The following CD200 variants were observed in gnomAD, a reference collection of about 807,000 sequenced individuals.
CD200 encodes CD200 molecule.
CD200 carries 15 observed loss-of-function variants against 30.9 expected under a neutral mutation model. The ratio of observed to expected loss-of-function variants is 0.49; its 90% CI spans 0.32 to 0.75. The LOEUF (loss-of-function observed/expected upper bound fraction) is 0.75, where lower values mean the gene tolerates loss of function less well. Among genes scored for constraint, CD200 ranks in the 30% least tolerant of loss-of-function variants. The pLI is 0.03. For missense variants in CD200, 262 were observed against 324.2 expected, an observed-to-expected ratio of 0.81 and a Z score of 1.47; for synonymous variants, 134 against 126.2, an observed-to-expected ratio of 1.06 and a Z score of -0.41.
chr3:112,333,614 C>G (rs1314520857), intron 1 of CD200: 7 of 985,402 alleles, frequency 7.1e-6, no homozygotes, highest in Non-Finnish European at 8.4e-6. Context: ...TTAAACTGCC[C>G]CCAAAAGGGA....
intron 1 of CD200, chr3:112,335,885 A>G: frequency 7.9e-7 from 1 of 1,269,738 alleles, no homozygotes; most frequent in Non-Finnish European, 1.2e-6. Flanking sequence ...GTTGGCCCCA[A>G]GAGAGCTGAG....
At chr3:112,346,772 C>A (rs2081405164) in intron 3 of CD200, among the ~76,000 whole-genome samples, 1 of 152,196 alleles carries the variant, frequency 6.6e-6, no homozygotes, top group Admixed American at 6.5e-5. Flanking sequence ...GACAAGTTTA[C>A]ATCTGCTTAG....
intron 1 of CD200, 170 bp downstream of exon 1, chr3:112,333,394 T>C (rs2081041354): frequency 1.0e-6 from 1 of 985,308 alleles, no homozygotes; most frequent in African/African-American, 1.7e-5. Flanking sequence ...GCGCTTTCTC[T>C]TGCTGAGAAA....
At chr3:112,348,313 G>T (rs2081449845) in intron 4 of CD200, among the ~76,000 whole-genome samples, 1 of 152,220 alleles carries the variant, frequency 6.6e-6, no homozygotes, top group East Asian at 1.9e-4. Flanking sequence ...AGATTTGGAA[G>T]GTTTCCTGGA....
Position 112,333,397 on chromosome 3 carries a change from C to A in CD200, c.12+173C>A, listed in dbSNP as rs1267547092. The A allele has an allele frequency of 3.0e-6, 3 of 985,304 alleles. No homozygotes were observed. The African/African-American group carries it at 5.2e-5, about 17-fold the overall frequency. 61.0% of individuals were successfully genotyped at this position (985,304 alleles called of 1,614,324 possible). On this transcript the variant is annotated intron_variant, in intron 1 of 5. Transcript: ENST00000315711. ...GCTTTTCTCTAAGCGCTTTCTCTTG[C>A]TGAGAAACGGATTTTGCCTTCCAAA... is the stretch of plus-strand genomic sequence containing the variant.
At chr3:112,357,237 G>A (rs1299636152) in intron 5 of CD200, among the ~76,000 whole-genome samples, 2 of 146,378 alleles carry the variant, frequency 1.4e-5, no homozygotes, top group African/African-American at 2.5e-5. Flanking sequence ...CTCCAGCCTG[G>A]GGGACAGAGC....
In CD200 at chr3:112,361,580, C is replaced by T; in HGVS notation, c.*30C>T. On this transcript the variant is annotated 3_prime_UTR_variant, in exon 6 of 6. Transcript: ENST00000315711. ...GTCACACAGCACCCTGAAAGTGATT[C>T]CCTGGTCTACTTGAATTTGACACAA... is the stretch of plus-strand genomic sequence containing the variant. The T allele has an allele frequency of 6.3e-7, 1 of 1,595,642 alleles. No homozygotes were observed. Among genetic ancestry groups the T allele is most frequent in the Non-Finnish European group, 8.6e-7 (1 of 1,163,184 alleles).
chr3:112,351,729 T>A (rs7637088), intron 5 of CD200, among the ~76,000 whole-genome samples: 40,115 of 152,010 alleles, frequency 0.26, 5,624 homozygotes, highest in Non-Finnish European at 0.29. Context: ...CTTACAAAAG[T>A]TACCTGAGGC....
intron 1 of CD200, chr3:112,334,165 T>C: frequency 1.0e-6 from 1 of 985,358 alleles, no homozygotes; most frequent in Non-Finnish European, 1.2e-6. Flanking sequence ...TACCTCGTTT[T>C]ACACATAAAC....
Position 112,362,771 on chromosome 3 carries a change from T to G in CD200, c.*1221T>G, listed in dbSNP as rs976673384. ...ATTTAATTCTGTATTGTTTCTTATA[T>G]TTGTAGTAAAATATTGAACAATTAA... On this transcript the variant is annotated 3_prime_UTR_variant, in exon 6 of 6. Transcript: ENST00000315711. 4 of 152,604 alleles carry G rather than the reference T, an allele frequency of 2.6e-5. No individual in the cohort carries two copies. The highest frequency in any genetic ancestry group is 9.7e-5 in the African/African-American group (4 of 41,436). The allele number at this position is 152,604 out of a possible 1,614,324, so 9.5% of individuals were successfully genotyped here. A position where few individuals can be genotyped will look rare whatever the true frequency, so the allele number is the denominator to read the frequency against.
intron 5 of CD200, among the ~76,000 whole-genome samples, chr3:112,360,991 T>C (rs1342602055): frequency 6.6e-6 from 1 of 152,290 alleles, no homozygotes; most frequent in East Asian, 1.9e-4. Flanking sequence ...GGATTACGTA[T>C]GCCCTTTTAT....
chr3:112,349,934 T>C, intron 5 of CD200, 115 bp downstream of exon 5: 1 of 1,361,066 alleles, frequency 7.3e-7, no homozygotes, highest in Non-Finnish European at 9.5e-7. Flanking sequence ...GTTTTGTCTG[T>C]TGTTTCCAAA....
At chr3:112,342,306 CTTTCTTCTTTCTTTCTTTCTTTCTTTCT>C (rs1333972974) in intron 2 of CD200, among the ~76,000 whole-genome samples, 11,421 of 53,990 alleles carry the variant, frequency 0.21, 2,254 homozygotes, top group East Asian at 0.36. Flanking sequence ...TCCTTCCTTC[CTTTCTTCTTTCTTTCTTTCTTTCTTTCT>C]TTCCTTCTTT....
chr3:112,347,446 T>G, intron 3 of CD200, 112 bp from the exon 4 acceptor site: 1 of 1,102,890 alleles, frequency 9.1e-7, no homozygotes, highest in Non-Finnish European at 1.3e-6. Flanking sequence ...ATGCTATCTT[T>G]CTAGCCTCCA....
chr3:112,361,706 C>A lies in CD200; in HGVS notation c.*156C>A. 1.4e-6 allele frequency: 1 copy of A among 724,498 alleles called. No homozygotes were observed. Among genetic ancestry groups the A allele is most frequent in the Non-Finnish European group, 2.5e-6 (1 of 399,368 alleles). The allele number at this position is 724,498 out of a possible 1,614,324, so 44.9% of individuals were successfully genotyped here. On this transcript the variant is annotated 3_prime_UTR_variant, in exon 6 of 6. Coordinates refer to ENST00000315711, the MANE Select transcript of CD200 (RefSeq NM_005944.7). ...GGATCCCACGACTTTTTACTGCCATCTGAGCTACTCAGTGTTTGAATCCCA... is the reference window on the plus strand; with the variant it reads ...GGATCCCACGACTTTTTACTGCCATATGAGCTACTCAGTGTTTGAATCCCA...
intron 5 of CD200, among the ~76,000 whole-genome samples, chr3:112,358,897 GAGAA>G (rs1330564665): frequency 3.3e-5 from 5 of 151,816 alleles, no homozygotes; most frequent in Non-Finnish European, 5.9e-5. Context: ...AAACAAAAGA[GAGAA>G]AGAAAGAAAA....
intron 1 of CD200, among the ~76,000 whole-genome samples, chr3:112,336,365 G>A (rs1427197551): frequency 1.3e-5 from 2 of 151,992 alleles, no homozygotes; most frequent in Non-Finnish European, 2.9e-5. Flanking sequence ...CTGCTCCTGA[G>A]CCCACAGGAA....
chr3:112,332,592 CAAG>C (rs375257518), upstream of CD200: 1,938 of 184,164 alleles, frequency 0.011, 8 homozygotes, highest in African/African-American at 0.022. Flanking sequence ...GACTCCGTCT[CAAG>C]AAGAAGAAGA....
At chr3:112,347,526 T>A in intron 3 of CD200, 32 bp from the exon 4 acceptor site, 1 of 1,609,190 alleles carries the variant, frequency 6.2e-7, no homozygotes, top group Non-Finnish European at 8.5e-7. Context: ...GGTGCTTAAC[T>A]GATAACAGAT....
Sources: allele counts gnomAD v4.1 joint callset (sites outside exome capture counted in the v4.1 genomes callset), GRCh38; gene constraint gnomAD v4.1.1; transcripts MANE v1.5; gene names NCBI Gene and HGNC (gene_info 2026-07-23, HGNC 2026-07-21).